The following ANO4 variants were observed in gnomAD, a reference collection of about 807,000 sequenced individuals.
ANO4 encodes anoctamin 4, also known as anoctamin-4.
A neutral mutation model predicts 141.9 loss-of-function variants in ANO4; 69 were observed. That is an observed-to-expected ratio of 0.49 (90% confidence interval 0.40 to 0.59). The LOEUF (loss-of-function observed/expected upper bound fraction) is 0.59. Among genes scored for constraint, ANO4 ranks in the 20% least tolerant of loss-of-function variants. The pLI is 0.00. For missense variants in ANO4, 894 were observed against 1,162.2 expected, an observed-to-expected ratio of 0.77 and a Z score of 3.36; for synonymous variants, 350 against 394.3, an observed-to-expected ratio of 0.89 and a Z score of 1.33.
At position 101,126,955 on chromosome 12, in the gene ANO4, GAAGA is replaced by G; in HGVS notation, c.2754_2757del (p.Glu920SerfsTer3). On this transcript the variant is annotated frameshift_variant, in exon 27 of 28. Coordinates refer to ENST00000392977, the MANE Select transcript of ANO4 (RefSeq NM_001286615.2). LOFTEE classifies it high-confidence loss of function. Reference sequence around the variant, plus strand: ...CCAAAAGACCTAAGGGATCGAATGAGAAGAGAGAAGTACTTGATTCAGGAGATGA... The same window carrying G: ...CCAAAAGACCTAAGGGATCGAATGAGGAGAAGTACTTGATTCAGGAGATGA... 1 of 1,614,196 alleles carries G rather than the reference GAAGA, an allele frequency of 6.2e-7. No homozygotes were observed. The highest frequency in any genetic ancestry group is 8.5e-7 in the Non-Finnish European group (1 of 1,180,036).
rs1004344903 is a variant in ANO4 at position 101,126,825 on chromosome 12, C to T, written c.2677-54C>T. On this transcript the variant is annotated intron_variant, in intron 26 of 27. Coordinates refer to ENST00000392977, the MANE Select transcript of ANO4 (RefSeq NM_001286615.2). The stretch of plus-strand genomic sequence containing the variant: ...CATCCTTCTTCAGCCAACTCTCTAA[C>T]CTCATTCAGGATGCACAGTAGACCT... 14 of 1,523,548 alleles carry T rather than the reference C, an allele frequency of 9.2e-6. No homozygotes were observed. The African/African-American group carries it at 1.4e-4, about 15-fold the overall frequency. The allele number at this position is 1,523,548 out of a possible 1,614,324, so 94.4% of individuals were successfully genotyped here.
At chr12:100,837,619 A>G (rs371862153) in intron 1 of ANO4, among the ~76,000 whole-genome samples, 2 of 151,558 alleles carry the variant, frequency 1.3e-5, no homozygotes, top group African/African-American at 4.8e-5. Flanking sequence ...GTTAAAACAA[A>G]TTAAATAAAA....
At chr12:100,775,824 T>C (rs1243659430) in intron 3 of ANO4, among the ~76,000 whole-genome samples, 2 of 152,086 alleles carry the variant, frequency 1.3e-5, no homozygotes, top group East Asian at 1.9e-4. Flanking sequence ...AAGAGCTTTT[T>C]ATTTGTATGT....
At chr12:100,876,361 G>T (rs1025857465) in intron 1 of ANO4, among the ~76,000 whole-genome samples, 1 of 152,096 alleles carries the variant, frequency 6.6e-6, no homozygotes, top group Non-Finnish European at 1.5e-5. Context: ...AGGGTGGAGT[G>T]GGGGAGGATA....
rs771894932 is a variant in ANO4 at position 101,040,019 on chromosome 12, A to C, written c.962A>C (p.Tyr321Ser). 1.4e-5 allele frequency: 22 copies of C among 1,613,478 alleles called. No individual in the cohort carries two copies. The East Asian group carries it at 4.5e-4, about 33-fold the overall frequency. Reference sequence around the variant, plus strand: ...GCAGAAAACCACCGACATCTACTCTATGAGTGCTGGGCCTCCTGGGGCGTG... The same window carrying C: ...GCAGAAAACCACCGACATCTACTCTCTGAGTGCTGGGCCTCCTGGGGCGTG... ...HGAENHRHLLYECWASWGVWY... is the reference protein window; with the variant it reads ...HGAENHRHLLSECWASWGVWY... The change falls in exon 11 of 28, where the codon TAT becomes TCT. Residue 321 changes from tyrosine (Y) to serine (S), a missense_variant. Transcript: ENST00000392977.
At chr12:100,943,630 G>A (rs1174500046) in intron 5 of ANO4, among the ~76,000 whole-genome samples, 3 of 152,142 alleles carry the variant, frequency 2.0e-5, no homozygotes, top group Non-Finnish European at 4.4e-5. Flanking sequence ...TGGCTGTAAG[G>A]AAACAGGTTC....
chr12:100,783,947 C>T (rs914209980), intron 3 of ANO4, among the ~76,000 whole-genome samples: 1 of 151,502 alleles, frequency 6.6e-6, no homozygotes, highest in African/African-American at 2.4e-5. Flanking sequence ...TTAGTGGGAC[C>T]TAACCTAATT....
At chr12:100,783,869 T>A (rs146115387) in intron 3 of ANO4, among the ~76,000 whole-genome samples, 7 of 152,224 alleles carry the variant, frequency 4.6e-5, no homozygotes, top group African/African-American at 1.4e-4. Flanking sequence ...TAGAAAACTG[T>A]CCATAAAGAT....
chr12:100,958,240 A>G (rs752239387), intron 5 of ANO4, among the ~76,000 whole-genome samples: 13 of 152,218 alleles, frequency 8.5e-5, no homozygotes, highest in Non-Finnish European at 1.5e-4. Flanking sequence ...TCATGACCGC[A>G]GTCTCACACA....
chr12:100,972,791 G>A (rs2043986906), intron 6 of ANO4, among the ~76,000 whole-genome samples: 2 of 152,118 alleles, frequency 1.3e-5, no homozygotes, highest in Non-Finnish European at 1.5e-5. Flanking sequence ...CCCCTCTCCA[G>A]TATAAATAAA....
intron 14 of ANO4, among the ~76,000 whole-genome samples, chr12:101,078,914 GA>G (rs2049133073): frequency 6.6e-6 from 1 of 152,210 alleles, no homozygotes; most frequent in Admixed American, 6.5e-5. Context: ...CAGAATGTAA[GA>G]ATTTGTCATT....
intron 7 of ANO4, among the ~76,000 whole-genome samples, chr12:100,975,679 G>C: frequency 6.6e-6 from 1 of 151,806 alleles, no homozygotes; most frequent in Admixed American, 6.6e-5. Flanking sequence ...GACCTCAGGC[G>C]ATCCGCCCAC....
At chr12:100,898,724 G>T (rs141731819) in intron 1 of ANO4, among the ~76,000 whole-genome samples, 118 of 152,248 alleles carry the variant, frequency 7.8e-4, no homozygotes, top group African/African-American at 2.7e-3. Flanking sequence ...AGCTAAAAGT[G>T]CTGTGCTGAG....
intron 2 of ANO4, among the ~76,000 whole-genome samples, chr12:100,738,809 G>A (rs1171245763): frequency 2.0e-5 from 3 of 151,700 alleles, no homozygotes; most frequent in Non-Finnish European, 4.4e-5. Context: ...CATGTGTGTG[G>A]TAAGAGCACC....
intron 1 of ANO4, among the ~76,000 whole-genome samples, chr12:100,885,162 A>C (rs2039769558): frequency 6.6e-6 from 1 of 152,176 alleles, no homozygotes; most frequent in Admixed American, 6.5e-5. Context: ...ATATCCCAGG[A>C]TAACCCCTCC....
intron 22 of ANO4, among the ~76,000 whole-genome samples, chr12:101,107,286 C>T (rs902382558): frequency 6.6e-6 from 1 of 152,126 alleles, no homozygotes; most frequent in Non-Finnish European, 1.5e-5. Flanking sequence ...ACAAGTCCTT[C>T]CCATACACAA....
intron 14 of ANO4, among the ~76,000 whole-genome samples, chr12:101,067,246 C>T (rs551875718): frequency 1.8e-4 from 28 of 152,194 alleles, no homozygotes; most frequent in African/African-American, 6.3e-4. Context: ...TACAGGCTTA[C>T]ATTATTTATG....
At position 101,078,323 on chromosome 12, in the gene ANO4, G is replaced by A. The variant is rs150468367; in HGVS notation, c.1313-870G>A. Reference sequence around the variant, plus strand: ...TCATTCTCAGAGTGTGAGTGAGAGAGTGTGTGTGTGTCTGTATGCATGTGT... The same window carrying A: ...TCATTCTCAGAGTGTGAGTGAGAGAATGTGTGTGTGTCTGTATGCATGTGT... On this transcript the variant is annotated intron_variant, in intron 14 of 27. Transcript: ENST00000392977. Among the ~76,000 whole-genome samples the A allele has an allele frequency of 1.5e-3, 203 of 136,798 alleles. 1 individual carries two copies. The highest frequency in any genetic ancestry group is 5.7e-3 in the African/African-American group (192 of 33,754). The allele number at this position is 136,798 out of a possible 152,430, so 89.7% of individuals were successfully genotyped here.
At chr12:101,125,288 A>G (rs1327230390) in intron 26 of ANO4, among the ~76,000 whole-genome samples, 2 of 152,138 alleles carry the variant, frequency 1.3e-5, no homozygotes, top group African/African-American at 4.8e-5. Context: ...AGTGGTTAGG[A>G]ATACTAATGA....
Sources: gnomAD v4.1 joint callset for allele counts (sites outside exome capture counted in the v4.1 genomes callset) on GRCh38, gnomAD v4.1.1 for gene constraint, MANE v1.5 for transcripts, NCBI Gene and HGNC (gene_info 2026-07-23, HGNC 2026-07-21) for gene names.